CDH23: variants seen among roughly 807,000 people sequenced by gnomAD.
The protein encoded by CDH23 is cadherin related 23.
A neutral mutation model predicts 317.1 loss-of-function variants in CDH23; 189 were observed. That is an observed-to-expected ratio of 0.60 (90% CI 0.53 to 0.67). The LOEUF is 0.67. Ranked by LOEUF, CDH23 falls within the 30% of genes least tolerant of loss-of-function variation. The pLI is 0.00. For missense variants in CDH23, 4,401 were observed against 4,592.4 expected, an observed-to-expected ratio of 0.96 and a Z score of 1.20; for synonymous variants, 1,839 against 1,876.8, an observed-to-expected ratio of 0.98 and a Z score of 0.52.
intron 24 of CDH23, among the ~76,000 whole-genome samples, 182 bp downstream of exon 24, chr10:71,702,876 A>G (rs1180845004): frequency 1.3e-5 from 2 of 152,190 alleles, no homozygotes; most frequent in Non-Finnish European, 2.9e-5. Context: ...GGGCAAAGGC[A>G]GAGGTAGAGA....
chr10:71,659,550 G>T (rs1237757182), intron 14 of CDH23, among the ~76,000 whole-genome samples: 3 of 152,150 alleles, frequency 2.0e-5, no homozygotes, highest in Admixed American at 6.5e-5. Flanking sequence ...GTGGCTCAAA[G>T]TTCCATATGC....
In CDH23 at chr10:71,751,705, A is replaced by G; in HGVS notation, c.4845+9784A>G. On this transcript the variant is annotated intron_variant, in intron 38 of 69. Coordinates refer to ENST00000224721, the MANE Select transcript of CDH23 (RefSeq NM_022124.6). The surrounding 1 kb of genome is among the most constrained non-coding windows in gnomAD (Gnocchi z 4.9). ...AGAAGACGTCTCCGGGGCCTGGAGG[A>G]GACAGGGGGGTGCTGGGCTCCGAAA... 1 of 1,562,254 alleles carries G rather than the reference A, an allele frequency of 6.4e-7. No individual in the cohort carries two copies. Among genetic ancestry groups the G allele is most frequent in the Non-Finnish European group, 8.6e-7 (1 of 1,157,064 alleles).
chr10:71,797,816 A>G (rs1841442862), intron 49 of CDH23, among the ~76,000 whole-genome samples: 1 of 151,960 alleles, frequency 6.6e-6, no homozygotes, highest in Non-Finnish European at 1.5e-5. Flanking sequence ...GTGTGGGCAG[A>G]GCGAGAGTTG....
chr10:71,799,519 G>A lies in CDH23; in HGVS notation c.7252G>A (p.Gly2418Ser). 1 of 1,614,032 alleles carries A rather than the reference G, an allele frequency of 6.2e-7. No individual in the cohort carries two copies. The highest frequency in any genetic ancestry group is 8.5e-7 in the Non-Finnish European group (1 of 1,179,900). Residue 2418 changes from glycine to serine, a missense_variant, in exon 52 of 70, where the codon GGC (glycine) becomes AGC (serine). Gly to Ser is a moderately conservative substitution (Grantham distance 56, BLOSUM62 0). Around this residue, in one of 3 missense-constraint regions of CDH23, gnomAD observed 189 missense variants for 250.9 expected, o/e 0.75. Coordinates refer to ENST00000224721, the MANE Select transcript of CDH23 (RefSeq NM_022124.6). Reference sequence around the variant, plus strand: ...GGCTGTCTTTGAGGATGTGCCTGTGGGCACAATCATCCTGACAGTCACTGC... The same window carrying A: ...GGCTGTCTTTGAGGATGTGCCTGTGAGCACAATCATCCTGACAGTCACTGC... ...QEAVFEDVPV[G>S]TIILTVTATD...
At position 71,458,947 on chromosome 10, in the gene CDH23, C is replaced by G. The variant is rs546846190; in HGVS notation, c.145+12552C>G. ...GGACTACAGGCACCTGCCACCATGC[C>G]CAGCTAATTTTTTGTATTTTTAGTA... On this transcript the variant is annotated intron_variant, in intron 3 of 69. Coordinates refer to ENST00000224721, the MANE Select transcript of CDH23 (RefSeq NM_022124.6). 1.3e-3 allele frequency among the ~76,000 whole-genome samples: 203 copies of G among 151,904 alleles called. 2 individuals carry two copies. The highest frequency in any genetic ancestry group is 4.5e-3 in the African/African-American group (185 of 41,238).
chr10:71,644,071 A>C (rs960578907), intron 12 of CDH23, among the ~76,000 whole-genome samples: 6 of 152,256 alleles, frequency 3.9e-5, no homozygotes, highest in Admixed American at 2.0e-4. Flanking sequence ...GGCTTCAGCT[A>C]TTAGTGCCCC....
rs952103854 is a variant in CDH23 at position 71,797,124 on chromosome 10, C to T, written c.6733C>T (p.Pro2245Ser). 6.2e-6 allele frequency: 10 copies of T among 1,612,864 alleles called. No homozygotes were observed. In the East Asian group the frequency reaches 8.9e-5, roughly 14 times the overall value. The change falls in exon 49 of 70, where the codon CCC (proline) becomes TCC (serine). Residue 2245 changes from proline to serine, a missense_variant. Physicochemically the swap from Pro to Ser is moderately conservative, Grantham distance 74. Around this residue, in one of 3 missense-constraint regions of CDH23, gnomAD observed 3,068 missense variants for 3,203.3 expected, o/e 0.96. Transcript: ENST00000224721. ...CACAGGATCTGTAATGGTGAAGTCC[C>T]CCATGAATCGGGAGCTGGTTGCCAC... is the stretch of plus-strand genomic sequence containing the variant. ...INTGSVMVKS[P>S]MNRELVATYE...
intron 9 of CDH23, among the ~76,000 whole-genome samples, chr10:71,598,789 G>A (rs1860029410): frequency 6.6e-6 from 1 of 152,278 alleles, no homozygotes; most frequent in Non-Finnish European, 1.5e-5. Context: ...CGCTTGCTCA[G>A]CAGAAGTTTC....
intron 6 of CDH23, among the ~76,000 whole-genome samples, chr10:71,543,516 T>A (rs1856101042): frequency 6.6e-6 from 1 of 152,248 alleles, no homozygotes; most frequent in South Asian, 2.1e-4. Flanking sequence ...CCAAGTGATT[T>A]CCTGTTCACC....
chr10:71,561,661 A>C (rs1477064151), intron 6 of CDH23, among the ~76,000 whole-genome samples: 1 of 152,216 alleles, frequency 6.6e-6, no homozygotes, highest in African/African-American at 2.4e-5. Flanking sequence ...TTAAATGGGA[A>C]CTGGAAGAGG....
intron 65 of CDH23, 50 bp from the exon 66 acceptor site, chr10:71,811,905 T>G (rs1366080485): frequency 1.7e-6 from 1 of 575,750 alleles, no homozygotes; most frequent in Non-Finnish European, 2.5e-6. Context: ...ACACCACCCC[T>G]ACCCCTGGCT....
In CDH23 at chr10:71,742,072, C is replaced by T. The variant is rs555035092; in HGVS notation, c.4845+151C>T. ...GTCCATCTGCCTTTAGTCCATCTGC[C>T]CAAGATGGCCTCCCCTTACGGAGGC... On this transcript the variant is annotated intron_variant, in intron 38 of 69. Coordinates refer to ENST00000224721, the MANE Select transcript of CDH23 (RefSeq NM_022124.6). 3.2e-5 allele frequency: 23 copies of T among 708,378 alleles called. No individual in the cohort carries two copies. The East Asian group carries it at 6.0e-4, about 18-fold the overall frequency. The allele number at this position is 708,378 out of a possible 1,614,324, so 43.9% of individuals were successfully genotyped here.
chr10:71,732,791 C>T (rs1223156903), intron 32 of CDH23: 4 of 878,732 alleles, frequency 4.6e-6, no homozygotes, highest in Non-Finnish European at 5.6e-6. Context: ...CTCTGGTCAT[C>T]GAAGTGTGTG....
Position 71,677,542 on chromosome 10 carries a change from T to C in CDH23, c.1601T>C (p.Ile534Thr), listed in dbSNP as rs1421211031. The C allele has an allele frequency of 1.2e-6, 2 of 1,612,142 alleles. No individual in the cohort carries two copies. Among genetic ancestry groups the C allele is most frequent in the Non-Finnish European group, 1.7e-6 (2 of 1,179,356 alleles). ...ELIQRFTLTI[I>T]ARDGGGEETT... Reference sequence around the variant, plus strand: ...ATCCAGCGCTTCACCCTGACGATCATTGCCCGGGACGGGGGCGGCGAGGAG... The same window carrying C: ...ATCCAGCGCTTCACCCTGACGATCACTGCCCGGGACGGGGGCGGCGAGGAG... The change falls in exon 16 of 70, where the codon ATT (isoleucine) becomes ACT (threonine). Residue 534 changes from isoleucine (I) to threonine (T), a missense_variant. Physicochemically the swap from Ile to Thr is moderately conservative, Grantham distance 89. Coordinates refer to ENST00000224721, the MANE Select transcript of CDH23 (RefSeq NM_022124.6).
At chr10:71,654,751 G>A (rs188892654) in intron 14 of CDH23, among the ~76,000 whole-genome samples, 101 of 152,272 alleles carry the variant, frequency 6.6e-4, no homozygotes, top group African/African-American at 2.3e-3. Context: ...CCACGTGTCC[G>A]GACATCTCCC....
chr10:71,659,967 T>G (rs1268591646), intron 14 of CDH23, among the ~76,000 whole-genome samples: 4 of 149,302 alleles, frequency 2.7e-5, no homozygotes, highest in African/African-American at 9.9e-5. Flanking sequence ...TCCGTTTTTT[T>G]TTTTTTTTTT....
intron 37 of CDH23, 90 bp from the exon 38 acceptor site, chr10:71,741,604 C>G (rs758279055): frequency 3.6e-5 from 40 of 1,098,240 alleles, no homozygotes; most frequent in Non-Finnish European, 4.7e-5. Flanking sequence ...TTGGGAGGTA[C>G]AGGGGGAGCC....
chr10:71,617,953 T>C (rs897907245), intron 11 of CDH23, among the ~76,000 whole-genome samples: 1 of 151,592 alleles, frequency 6.6e-6, no homozygotes, highest in Admixed American at 6.6e-5. Flanking sequence ...AATAGCACCA[T>C]TGCACTCCAG....
At chr10:71,753,147 A>T in intron 38 of CDH23, 2 of 862,752 alleles carry the variant, frequency 2.3e-6, no homozygotes, top group South Asian at 1.8e-5. Context: ...TTCTTTTCAC[A>T]TGGGTGCTGT....
Sources: allele counts gnomAD v4.1 joint callset (sites outside exome capture counted in the v4.1 genomes callset), GRCh38; gene constraint gnomAD v4.1.1; regional missense constraint gnomAD v4.1.1; non-coding constraint Gnocchi (gnomAD v3.1); transcripts MANE v1.5; gene names NCBI Gene and HGNC (gene_info 2026-07-23, HGNC 2026-07-21).